Variants in SGCZ observed in about 807,000 individuals in gnomAD.
SGCZ encodes the protein zeta-sarcoglycan.
SGCZ carries 40 observed loss-of-function variants against 41.3 expected under a neutral mutation model. That is an observed-to-expected ratio of 0.97 (90% CI 0.75 to 1.26). The LOEUF is 1.26. Among genes scored for constraint, SGCZ ranks in the 50% most tolerant of loss-of-function variants. SGCZ has a pLI of 0.00. For synonymous variants in SGCZ, 206 were observed against 137.5 expected (o/e 1.50, Z -3.49); for missense variants, 552 against 369.8 (o/e 1.49, Z -4.04).
At chr8:14,567,061 C>G (rs1049167977) in intron 1 of SGCZ, among the ~76,000 whole-genome samples, 11 of 152,208 alleles carry the variant, frequency 7.2e-5, no homozygotes, top group African/African-American at 2.7e-4. Flanking sequence ...CTCCCTGGGT[C>G]TTAGCTGCCT....
chr8:14,831,347 C>T (rs1430810436), intron 1 of SGCZ, among the ~76,000 whole-genome samples: 1 of 152,048 alleles, frequency 6.6e-6, no homozygotes, highest in Non-Finnish European at 1.5e-5. Context: ...ATACTTATTC[C>T]CACACATGCA....
intron 3 of SGCZ, among the ~76,000 whole-genome samples, chr8:14,251,961 C>T (rs754868280): frequency 6.6e-6 from 1 of 152,062 alleles, no homozygotes; most frequent in Non-Finnish European, 1.5e-5. Context: ...CCTCCCACCT[C>T]GACCTCCCAA....
At chr8:14,951,539 A>C (rs2130836552) in intron 1 of SGCZ, among the ~76,000 whole-genome samples, 1 of 152,158 alleles carries the variant, frequency 6.6e-6, no homozygotes, top group South Asian at 2.1e-4. Context: ...GTAATATGTC[A>C]AGAATTATCT....
chr8:14,593,565 T>C (rs1489952215), intron 1 of SGCZ, among the ~76,000 whole-genome samples: 2 of 152,196 alleles, frequency 1.3e-5, no homozygotes, highest in African/African-American at 4.8e-5. Flanking sequence ...CAGGTATTAA[T>C]TTTCAGTTTG....
intron 1 of SGCZ, among the ~76,000 whole-genome samples, chr8:15,113,291 T>C (rs1807141106): frequency 6.6e-6 from 1 of 152,120 alleles, no homozygotes. Flanking sequence ...AAATGAGTTC[T>C]ATGTGAAAGC....
At chr8:14,552,877 T>C (rs533515734) in intron 2 of SGCZ, among the ~76,000 whole-genome samples, 1 of 152,076 alleles carries the variant, frequency 6.6e-6, no homozygotes, top group Non-Finnish European at 1.5e-5. Context: ...GGTTTAGTCA[T>C]TGGAAGGAAT....
chr8:14,442,742 T>C (rs1446618368), intron 2 of SGCZ, among the ~76,000 whole-genome samples: 1 of 152,232 alleles, frequency 6.6e-6, no homozygotes, highest in Non-Finnish European at 1.5e-5. Context: ...ATTTGTTTCA[T>C]TGATTGACCT....
At chr8:14,836,673 G>C (rs1394532501) in intron 1 of SGCZ, among the ~76,000 whole-genome samples, 4 of 152,034 alleles carry the variant, frequency 2.6e-5, no homozygotes, top group Non-Finnish European at 5.9e-5. Context: ...AATTCTTTTA[G>C]TATTTTTAGT....
rs1346759391 is a variant in SGCZ, at chr8:14,087,749, G to T, written c.*2694C>A. The stretch of plus-strand genomic sequence containing the variant: ...AAAATGCTTTTTTGTGTTTGAATGT[G>T]GAAAACGAGGACATTTGGGGCCATT... On this transcript the variant is annotated 3_prime_UTR_variant, in exon 8 of 8. Coordinates refer to ENST00000382080, the MANE Select transcript of SGCZ (RefSeq NM_139167.4). Among the ~76,000 whole-genome samples, 1 of 151,472 alleles carries T rather than the reference G, an allele frequency of 6.6e-6. No homozygotes were observed. Among genetic ancestry groups the T allele is most frequent in the Non-Finnish European group, 1.5e-5 (1 of 67,726 alleles).
At chr8:14,761,071 T>C (rs1799856356) in intron 1 of SGCZ, among the ~76,000 whole-genome samples, 1 of 152,142 alleles carries the variant, frequency 6.6e-6, no homozygotes, top group Admixed American at 6.5e-5. Flanking sequence ...TTTCACAGAG[T>C]AATGCCCTAA....
chr8:14,545,739 G>A (rs1803606674), intron 2 of SGCZ, among the ~76,000 whole-genome samples: 1 of 151,956 alleles, frequency 6.6e-6, no homozygotes, highest in South Asian at 2.1e-4. Context: ...CCTCACTCTA[G>A]TCTATTGTAC....
chr8:14,375,230 A>G (rs920743437), intron 2 of SGCZ, among the ~76,000 whole-genome samples: 1 of 152,234 alleles, frequency 6.6e-6, no homozygotes, highest in Admixed American at 6.5e-5. Context: ...CACAATGGAG[A>G]TATAACAGTT....
At chr8:15,216,397 T>C (rs935398703) in intron 1 of SGCZ, among the ~76,000 whole-genome samples, 1 of 151,868 alleles carries the variant, frequency 6.6e-6, no homozygotes, top group Non-Finnish European at 1.5e-5. Context: ...CTTTTTTATA[T>C]TTTTAGTAGA....
chr8:14,509,494 T>C (rs1335740693), intron 2 of SGCZ, among the ~76,000 whole-genome samples: 1 of 152,178 alleles, frequency 6.6e-6, no homozygotes, highest in African/African-American at 2.4e-5. Flanking sequence ...ATTAACTGAT[T>C]AATCTGCTGA....
At chr8:14,239,677 C>T (rs1211679881) in intron 3 of SGCZ, among the ~76,000 whole-genome samples, 6 of 151,400 alleles carry the variant, frequency 4.0e-5, no homozygotes, top group Non-Finnish European at 7.4e-5. Context: ...CCGAGGCGGG[C>T]GGATCACGAG....
chr8:14,660,073 C>T (rs2086590262), intron 1 of SGCZ, among the ~76,000 whole-genome samples: 1 of 152,120 alleles, frequency 6.6e-6, no homozygotes. Flanking sequence ...CAGGAACCAA[C>T]CTTGCTGGTG....
intron 1 of SGCZ, among the ~76,000 whole-genome samples, chr8:14,737,193 G>C (rs1244091647): frequency 6.7e-6 from 1 of 149,190 alleles, no homozygotes; most frequent in South Asian, 2.1e-4. Flanking sequence ...ATATATATAT[G>C]TATGATGGGA....
intron 1 of SGCZ, among the ~76,000 whole-genome samples, chr8:15,063,780 T>C (rs948459973): frequency 1.3e-5 from 2 of 152,220 alleles, no homozygotes; most frequent in Non-Finnish European, 2.9e-5. Context: ...AGTCATGGGA[T>C]AGTTCTACTT....
At chr8:14,766,345 G>C (rs1395915917) in intron 1 of SGCZ, among the ~76,000 whole-genome samples, 1 of 152,022 alleles carries the variant, frequency 6.6e-6, no homozygotes, top group Non-Finnish European at 1.5e-5. Flanking sequence ...GTATAGTTTA[G>C]CCAGATTGTA....
Sources: allele counts gnomAD v4.1 joint callset (sites outside exome capture counted in the v4.1 genomes callset), GRCh38; gene constraint gnomAD v4.1.1; transcripts MANE v1.5; gene names NCBI Gene and HGNC (gene_info 2026-07-23, HGNC 2026-07-21).